The following ADRA1D variants were observed in gnomAD, a reference collection of about 807,000 sequenced individuals.
ADRA1D encodes the protein alpha-1D adrenergic receptor.
A neutral mutation model predicts 18.6 loss-of-function variants in ADRA1D; 22 were observed. The observed-to-expected ratio is 1.19, with a 90% CI of 0.85 to 1.69. The LOEUF is 1.69. Ranked by LOEUF, ADRA1D falls within the 40% of genes most tolerant of loss-of-function variation. The probability of loss-of-function intolerance (pLI) is 0.00; values close to 1 mark genes in which losing one functional copy is unlikely to be tolerated. For synonymous variants in ADRA1D, 376 were observed against 388.2 expected (o/e 0.97, Z 0.37); for missense variants, 840 against 840.7 (o/e 1.00, Z 0.01).
In ADRA1D at chr20:4,222,002, G is replaced by A. The variant is rs200656881; in HGVS notation, c.1240C>T (p.Leu414Phe). 127 of 1,592,066 alleles carry A rather than the reference G, an allele frequency of 8.0e-5. 2 individuals carry two copies. In the African/African-American group the frequency reaches 1.5e-3, roughly 19 times the overall value. ...CSSREFKRAF[L>F]RLLRCQCRRR... ...CGGCACTGGCAGCGCAGGAGACGGA[G>A]GAAGGCGCGCTTGAACTCGCGGCTG... Residue 414 changes from leucine (L) to phenylalanine (F), a missense_variant, in exon 2 of 2, where the codon CTC (leucine) becomes TTC (phenylalanine). Leu to Phe is a conservative substitution (Grantham distance 22). Coordinates refer to ENST00000379453, the MANE Select transcript of ADRA1D (RefSeq NM_000678.4). This position sits in a 1 kb window ranked among gnomAD's most constrained non-coding sequence, Gnocchi z 4.3.
chr20:4,240,387 G>A (rs1171001533), intron 1 of ADRA1D, among the ~76,000 whole-genome samples: 1 of 144,428 alleles, frequency 6.9e-6, no homozygotes, highest in Non-Finnish European at 1.5e-5. Flanking sequence ...ATGATTTTAT[G>A]TGTTATAATG....
chr20:4,221,417 G>C lies in ADRA1D; in HGVS notation c.*106C>G, dbSNP rs1980656588. The C allele has an allele frequency of 1.6e-6, 2 of 1,271,532 alleles. No individual in the cohort carries two copies. The highest frequency in any genetic ancestry group is 2.2e-6 in the Non-Finnish European group (2 of 913,114). 78.8% of individuals were successfully genotyped at this position (1,271,532 alleles called of 1,614,324 possible). On this transcript the variant is annotated 3_prime_UTR_variant, in exon 2 of 2. Transcript: ENST00000379453. ...TGTCACAGAGCAGCTGCCCTGATCA[G>C]TTTCCGGGTCTCCGATTTGCACGGG...
chr20:4,230,652 AG>A (rs1470446862), intron 1 of ADRA1D, among the ~76,000 whole-genome samples: 2 of 152,348 alleles, frequency 1.3e-5, no homozygotes, highest in East Asian at 3.9e-4. Flanking sequence ...GAAAACTGTC[AG>A]TGGCTTCCTG....
In ADRA1D at chr20:4,226,618, C is replaced by T. The variant is rs149881632; in HGVS notation, c.1112-4488G>A. Among the ~76,000 whole-genome samples the T allele has an allele frequency of 1.5e-4, 23 of 152,326 alleles. No homozygotes were observed. The East Asian group carries it at 4.4e-3, about 29-fold the overall frequency. On this transcript the variant is annotated intron_variant, in intron 1 of 1. Transcript: ENST00000379453. ...GCTCCCTCTGGGTGTTAATTTTCCA[C>T]ACTTCCTTTCTGCCACATGAGTGTG...
chr20:4,247,826 G>A (rs376081989), intron 1 of ADRA1D, 21 bp downstream of exon 1: 1 of 1,498,434 alleles, frequency 6.7e-7, no homozygotes, highest in Non-Finnish European at 8.9e-7. Context: ...AGGAGGGGCC[G>A]GTGGGAGAGG....
In ADRA1D at chr20:4,229,813, T is replaced by C. The variant is rs570521172; in HGVS notation, c.1112-7683A>G. Among the ~76,000 whole-genome samples, 4 of 151,898 alleles carry C rather than the reference T, an allele frequency of 2.6e-5. No individual in the cohort carries two copies. The East Asian group carries it at 7.7e-4, about 29-fold the overall frequency. On this transcript the variant is annotated intron_variant, in intron 1 of 1. Coordinates refer to ENST00000379453, the MANE Select transcript of ADRA1D (RefSeq NM_000678.4). ...GCTTGTGCCCCTGCCCCCTGAATCT[T>C]TTCTCACCCTGGCAGCTAGAAAGAC...
rs141537384 is a variant in ADRA1D at position 4,233,569 on chromosome 20, G to C, written c.1112-11439C>G. 2.5e-3 allele frequency among the ~76,000 whole-genome samples: 382 copies of C among 152,120 alleles called. 4 individuals carry two copies. Among genetic ancestry groups the C allele is most frequent in the Non-Finnish European group, 4.3e-3 (290 of 67,994 alleles). ...TCTGTTAGAAAAAAAAATCCTTCAA[G>C]AAGAACCCCTATCTCAAACGCTGCT... On this transcript the variant is annotated intron_variant, in intron 1 of 1. Coordinates refer to ENST00000379453, the MANE Select transcript of ADRA1D (RefSeq NM_000678.4).
At chr20:4,245,221 G>A (rs886635995) in intron 1 of ADRA1D, among the ~76,000 whole-genome samples, 8 of 152,198 alleles carry the variant, frequency 5.3e-5, no homozygotes, top group Admixed American at 4.6e-4. Context: ...ACTCTCAAAT[G>A]TACTGCTGTG....
In ADRA1D at chr20:4,236,607, G is replaced by A. The variant is rs573334095; in HGVS notation, c.1111+11240C>T. Among the ~76,000 whole-genome samples, 12 of 152,332 alleles carry A rather than the reference G, an allele frequency of 7.9e-5. No individual in the cohort carries two copies. In the East Asian group the frequency reaches 1.7e-3, roughly 22 times the overall value. ...GCCCCTGTGGCTGGGGCGTGGAAGT[G>A]TGGTAGATGGAATAATGCCCCCAAG... is the stretch of plus-strand genomic sequence containing the variant. On this transcript the variant is annotated intron_variant, in intron 1 of 1. Coordinates refer to ENST00000379453, the MANE Select transcript of ADRA1D (RefSeq NM_000678.4).
intron 1 of ADRA1D, among the ~76,000 whole-genome samples, chr20:4,223,279 G>A (rs902763298): frequency 6.6e-6 from 1 of 152,180 alleles, no homozygotes; most frequent in African/African-American, 2.4e-5. Flanking sequence ...CGCATTTCCT[G>A]TAAAAATATT....
chr20:4,242,919 G>A (rs1175750424), intron 1 of ADRA1D, among the ~76,000 whole-genome samples: 1 of 150,578 alleles, frequency 6.6e-6, no homozygotes, highest in Non-Finnish European at 1.5e-5. Flanking sequence ...ACCTCTGGGC[G>A]TGGCTGGGGG....
At position 4,221,790 on chromosome 20, in the gene ADRA1D, G is replaced by T; in HGVS notation, c.1452C>A (p.Val484=). ...PPGTPEMQAP[V]ASRRKPPSAF... Reference sequence around the variant, plus strand: ...CGCTGGGTGGCTTTCGACGGCTGGCGACCGGAGCCTGCATCTCGGGCGTGC... The same window carrying T: ...CGCTGGGTGGCTTTCGACGGCTGGCTACCGGAGCCTGCATCTCGGGCGTGC... The change falls in exon 2 of 2, where the codon GTC becomes GTA. Residue 484 remains valine, a synonymous_variant. Transcript: ENST00000379453. 3.8e-6 allele frequency: 6 copies of T among 1,568,820 alleles called. No individual in the cohort carries two copies. Among genetic ancestry groups the T allele is most frequent in the Non-Finnish European group, 5.2e-6 (6 of 1,162,256 alleles).
chr20:4,248,114 G>C lies in ADRA1D; in HGVS notation c.844C>G (p.Arg282Gly), dbSNP rs775802037. 90 of 1,560,794 alleles carry C rather than the reference G, an allele frequency of 5.8e-5. No homozygotes were observed. The highest frequency in any genetic ancestry group is 7.3e-5 in the Non-Finnish European group (84 of 1,152,698). Residue 282 changes from arginine (R) to glycine (G), a missense_variant, in exon 1 of 2, where the codon CGC becomes GGC. Transcript: ENST00000379453. ...VMYCRVYVVA[R>G]STTRSLEAGV... is the part of the protein sequence containing the mutation. ...GCCTCGAGGCTGCGCGTGGTGCTGCGCGCGACCACGTACACGCGGCAGTAC... is the reference window on the plus strand; with the variant it reads ...GCCTCGAGGCTGCGCGTGGTGCTGCCCGCGACCACGTACACGCGGCAGTAC...
intron 1 of ADRA1D, among the ~76,000 whole-genome samples, chr20:4,238,299 TA>T (rs1046329572): frequency 6.6e-6 from 1 of 151,336 alleles, no homozygotes; most frequent in African/African-American, 2.4e-5. Context: ...TACTAATCTT[TA>T]AAAAAAAGAG....
intron 1 of ADRA1D, among the ~76,000 whole-genome samples, chr20:4,229,043 G>A (rs958425418): frequency 9.9e-5 from 15 of 152,110 alleles, no homozygotes; most frequent in Non-Finnish European, 1.3e-4. Flanking sequence ...GTGGCTTCCC[G>A]GATGACAGTC....
rs1600848208 is a variant in ADRA1D at position 4,232,189 on chromosome 20, C to T, written c.1112-10059G>A. On this transcript the variant is annotated intron_variant, in intron 1 of 1. Coordinates refer to ENST00000379453, the MANE Select transcript of ADRA1D (RefSeq NM_000678.4). ...TCGGCTTCCTAAAATGCTGGGATTA[C>T]AGGCATTCGCCACTGCGCCCGGCAG... Among the ~76,000 whole-genome samples, 3 of 152,220 alleles carry T rather than the reference C, an allele frequency of 2.0e-5. No individual in the cohort carries two copies. The South Asian group carries it at 6.2e-4, about 32-fold the overall frequency.
Position 4,248,159 on chromosome 20 carries a change from TGGG to T in ADRA1D, c.796_798del (p.Pro266del). 23 of 1,581,730 alleles carry T rather than the reference TGGG, an allele frequency of 1.5e-5. No individual in the cohort carries two copies. The highest frequency in any genetic ancestry group is 2.0e-5 in the Non-Finnish European group (23 of 1,163,906). On this transcript the variant is annotated inframe_deletion, in exon 1 of 2. Transcript: ENST00000379453. ...CAGTACATGACCACGATGACCGCCA[TGGG>T]CAGGTAGAAGGAGCACACGGAGGAG...
chr20:4,228,289 A>G (rs1437947418), intron 1 of ADRA1D, among the ~76,000 whole-genome samples: 3 of 152,096 alleles, frequency 2.0e-5, no homozygotes, highest in Non-Finnish European at 2.9e-5. Flanking sequence ...CCTCAGCTCT[A>G]TGTCCCATAT....
chr20:4,247,896 C>A lies in ADRA1D; in HGVS notation c.1062G>T (p.Val354=). 3.1e-6 allele frequency: 5 copies of A among 1,593,582 alleles called. No homozygotes were observed. Among genetic ancestry groups the A allele is most frequent in the Non-Finnish European group, 4.3e-6 (5 of 1,172,490 alleles). ...GGAACCAGCAGAGCACGAAGACACCCACGACGATGGCCAGAGTCTTGGCCG... is the reference window on the plus strand; with the variant it reads ...GGAACCAGCAGAGCACGAAGACACCAACGACGATGGCCAGAGTCTTGGCCG... The part of the protein sequence containing the change: ...KKAAKTLAIV[V]GVFVLCWFPF... Residue 354 remains valine (V), a synonymous_variant, in exon 1 of 2, where the codon GTG becomes GTT. Coordinates refer to ENST00000379453, the MANE Select transcript of ADRA1D (RefSeq NM_000678.4).
Sources: gnomAD v4.1 joint callset for allele counts (sites outside exome capture counted in the v4.1 genomes callset) on GRCh38, gnomAD v4.1.1 for gene constraint, Gnocchi (gnomAD v3.1) non-coding constraint, MANE v1.5 for transcripts, NCBI Gene and HGNC (gene_info 2026-07-23, HGNC 2026-07-21) for gene names.